Variants in PSPC1 observed in about 807,000 individuals in gnomAD.
The protein encoded by PSPC1 is paraspeckle protein 1.
PSPC1 carries 14 observed loss-of-function variants against 51.6 expected under a neutral mutation model. The ratio of observed to expected loss-of-function variants is 0.27; its 90% CI spans 0.18 to 0.42. The LOEUF is 0.42. PSPC1 is among the 10% of genes least tolerant of loss of function. The probability of loss-of-function intolerance (pLI) is 1.00; values close to 1 mark genes in which losing one functional copy is unlikely to be tolerated. For missense variants in PSPC1, 406 were observed against 701.1 expected (o/e 0.58, Z 4.75); for synonymous variants, 193 against 231.9 (o/e 0.83, Z 1.53).
At chr13:19,762,456 A>C (rs769702120) in intron 2 of PSPC1, among the ~76,000 whole-genome samples, 6 of 152,206 alleles carry the variant, frequency 3.9e-5, no homozygotes, top group Non-Finnish European at 7.3e-5. Flanking sequence ...GCTACTCGGG[A>C]GGCTGAGGCA....
Position 19,683,112 on chromosome 13 carries a change from C to T in PSPC1, c.1159-5289G>A, listed in dbSNP as rs570974764. Among the ~76,000 whole-genome samples, 4 of 151,978 alleles carry T rather than the reference C, an allele frequency of 2.6e-5. No homozygotes were observed. In the East Asian group the frequency reaches 5.8e-4, roughly 22 times the overall value. ...AAAGAAAGAAAGAAACTGCCCTATACTCTAAGAGTTTCTAAGAAACATAAG... is the reference window on the plus strand; with the variant it reads ...AAAGAAAGAAAGAAACTGCCCTATATTCTAAGAGTTTCTAAGAAACATAAG... On this transcript the variant is annotated intron_variant and NMD_transcript_variant, in intron 6 of 7. Transcript: ENST00000471658.
intron 2 of PSPC1, among the ~76,000 whole-genome samples, chr13:19,767,859 A>C (rs1297045805): frequency 2.0e-5 from 3 of 152,186 alleles, no homozygotes; most frequent in Admixed American, 6.5e-5. Flanking sequence ...CATACAAGAA[A>C]AAAATTGATG....
chr13:19,671,244 T>G, downstream of PSPC1: 1 of 1,614,106 alleles, frequency 6.2e-7, no homozygotes, highest in East Asian at 2.2e-5. Context: ...CTGTTGCAGG[T>G]CCCAATAAAC....
intron 1 of PSPC1, among the ~76,000 whole-genome samples, chr13:19,776,335 G>C (rs894571239): frequency 3.9e-5 from 6 of 152,038 alleles, no homozygotes; most frequent in African/African-American, 1.4e-4. Context: ...GTGTGGTGGT[G>C]TGTGCCTGCG....
In PSPC1 at chr13:19,703,213, C is replaced by T. The variant is rs371456102; in HGVS notation, c.1534G>A (p.Gly512Ser). Residue 512 changes from glycine to serine, a missense_variant, in exon 9 of 9, where the codon GGC becomes AGC. Transcript: ENST00000338910. ...CGCTTATTAGGGCCTTCAAAGTTGC[C>T]CCCTTGACTTCCTCTACCAAAGCCA... ...PGGFGRGSQG[G>S]NFEGPNKRRR... 6.2e-6 allele frequency: 10 copies of T among 1,614,142 alleles called. No homozygotes were observed. The highest frequency in any genetic ancestry group is 8.5e-6 in the Non-Finnish European group (10 of 1,180,000).
intron 2 of PSPC1, among the ~76,000 whole-genome samples, chr13:19,763,857 G>A (rs1887808458): frequency 6.6e-6 from 1 of 152,020 alleles, no homozygotes; most frequent in South Asian, 2.1e-4. Context: ...AAATTGGCCG[G>A]GCATGGTGGC....
intron 3 of PSPC1, among the ~76,000 whole-genome samples, chr13:19,753,304 G>C (rs1396632763): frequency 8.2e-6 from 1 of 121,428 alleles, no homozygotes; most frequent in Non-Finnish European, 1.7e-5. Context: ...AAAAAAAAAA[G>C]GCTCACTTGC....
At chr13:19,705,593 G>A in intron 8 of PSPC1, 69 bp downstream of exon 8, 4 of 1,110,510 alleles carry the variant, frequency 3.6e-6, no homozygotes, top group East Asian at 2.5e-5. Flanking sequence ...TATATTAAGT[G>A]TGAAGTTATC....
chr13:19,730,126 A>G (rs1883861083), intron 6 of PSPC1, 113 bp downstream of exon 6: 1 of 777,350 alleles, frequency 1.3e-6, no homozygotes, highest in African/African-American at 1.7e-5. Flanking sequence ...AAACATGATG[A>G]ATTTAGAAAG....
intron 6 of PSPC1, among the ~76,000 whole-genome samples, chr13:19,716,893 T>G (rs1027553156): frequency 6.6e-6 from 1 of 151,976 alleles, no homozygotes; most frequent in African/African-American, 2.4e-5. Context: ...TGAGAAAGAT[T>G]AAATAAGAAC....
chr13:19,688,242 T>C (rs573845230), intron 6 of PSPC1, among the ~76,000 whole-genome samples: 6 of 152,280 alleles, frequency 3.9e-5, no homozygotes, highest in East Asian at 1.9e-4. Flanking sequence ...ACAGGTTTCA[T>C]GTGTAATCCG....
chr13:19,753,368 T>C (rs183956615), intron 3 of PSPC1, among the ~76,000 whole-genome samples: 50 of 149,952 alleles, frequency 3.3e-4, no homozygotes, highest in African/African-American at 1.2e-3. Context: ...ACAGAGCACC[T>C]AGAACTACAG....
At chr13:19,739,026 G>A (rs1326500766) in intron 5 of PSPC1, among the ~76,000 whole-genome samples, 2 of 152,028 alleles carry the variant, frequency 1.3e-5, no homozygotes, top group African/African-American at 4.8e-5. Context: ...AGAACCCACA[G>A]ATACAAAAGA....
intron 4 of PSPC1, among the ~76,000 whole-genome samples, chr13:19,749,949 G>A (rs1361300725): frequency 1.3e-5 from 2 of 152,090 alleles, no homozygotes; most frequent in African/African-American, 2.4e-5. Flanking sequence ...TTGTTTTAAC[G>A]TATGTGGCAT....
chr13:19,675,307 G>T (rs1365866809), intron 7 of PSPC1: 1 of 152,094 alleles, frequency 6.6e-6, no homozygotes, highest in African/African-American at 2.4e-5. Flanking sequence ...TGAAAAGGAG[G>T]GATTTCTTGG....
intron 3 of PSPC1, among the ~76,000 whole-genome samples, chr13:19,758,941 TAAAAGTAGACATTTCTA>T (rs1288033830): frequency 5.3e-5 from 8 of 151,884 alleles, no homozygotes; most frequent in Non-Finnish European, 1.2e-4. Context: ...GCCCCAGTTA[TAAAAGTAGACATTTCTA>T]AAAAAAATTA....
rs1888738970 is a variant in PSPC1 at position 19,772,787 on chromosome 13, A to AT, written c.373-245dup. On this transcript the variant is annotated intron_variant, in intron 1 of 8. Transcript: ENST00000338910. Reference sequence around the variant, plus strand: ...GTAATCATTTAAAGATTAGCTCTTCATAAGGCCAGTTACCAACTATTAAAT... The same window carrying AT: ...GTAATCATTTAAAGATTAGCTCTTCATTAAGGCCAGTTACCAACTATTAAAT... Among the ~76,000 whole-genome samples the AT allele has an allele frequency of 2.0e-5, 3 of 152,334 alleles. No individual in the cohort carries two copies. The South Asian group carries it at 6.2e-4, about 32-fold the overall frequency.
At chr13:19,770,415 T>TTTTTCC (rs1169544518) in intron 2 of PSPC1, among the ~76,000 whole-genome samples, 1 of 151,948 alleles carries the variant, frequency 6.6e-6, no homozygotes, top group Non-Finnish European at 1.5e-5. Flanking sequence ...ATCCCAGCAC[T>TTTTTCC]TTGGGAGGCT....
downstream of PSPC1, among the ~76,000 whole-genome samples, chr13:19,697,813 T>TTA (rs1265464091): frequency 1.3e-5 from 2 of 152,138 alleles, no homozygotes; most frequent in African/African-American, 4.8e-5. Flanking sequence ...GTCTGAAACT[T>TTA]AATACTGATT....
Sources: allele counts gnomAD v4.1 joint callset (sites outside exome capture counted in the v4.1 genomes callset), GRCh38; gene constraint gnomAD v4.1.1; transcripts MANE v1.5; gene names NCBI Gene and HGNC (gene_info 2026-07-23, HGNC 2026-07-21).